LETM2: variants seen among roughly 807,000 people sequenced by gnomAD.
The protein encoded by LETM2 is LETM1 domain-containing protein LETM2, mitochondrial.
A neutral mutation model predicts 59.6 loss-of-function variants in LETM2; 58 were observed. That is an observed-to-expected ratio of 0.97 (90% confidence interval 0.79 to 1.21). LETM2 has a LOEUF of 1.21. Among genes scored for constraint, LETM2 ranks in the 50% most tolerant of loss-of-function variants. LETM2 has a pLI of 0.00. For synonymous variants in LETM2, 199 were observed against 214.1 expected, an observed-to-expected ratio of 0.93 and a Z score of 0.62; for missense variants, 572 against 575.7, an observed-to-expected ratio of 0.99 and a Z score of 0.07.
chr8:38,392,467 T>C, intron 2 of LETM2, 75 bp from the exon 3 acceptor site: 2 of 900,670 alleles, frequency 2.2e-6, no homozygotes, highest in Admixed American at 4.5e-5. Context: ...ATTTCTTTAA[T>C]AATATGTGCT....
At chr8:38,399,709 G>C (rs1366237948) in intron 4 of LETM2, among the ~76,000 whole-genome samples, 2 of 150,548 alleles carry the variant, frequency 1.3e-5, no homozygotes, top group African/African-American at 2.4e-5. Flanking sequence ...ACCCGGGAGA[G>C]AGAGGTTGCA....
At chr8:38,390,706 CAG>C (rs1270012607) in intron 2 of LETM2, among the ~76,000 whole-genome samples, 3 of 144,796 alleles carry the variant, frequency 2.1e-5, no homozygotes, top group Non-Finnish European at 3.0e-5. Flanking sequence ...TTTTGTGAGA[CAG>C]AGTCTTGCTC....
chr8:38,398,880 C>T (rs1172244000), intron 4 of LETM2, among the ~76,000 whole-genome samples: 1 of 151,870 alleles, frequency 6.6e-6, no homozygotes, highest in Non-Finnish European at 1.5e-5. Context: ...CCACCACGCC[C>T]GGCTAATTTT....
intron 8 of LETM2, among the ~76,000 whole-genome samples, chr8:38,406,294 A>G (rs762961734): frequency 4.6e-5 from 7 of 152,214 alleles, no homozygotes; most frequent in African/African-American, 9.6e-5. Flanking sequence ...ACCAAGTTAC[A>G]TCAATGCTAT....
intron 10 of LETM2, chr8:38,407,938 TG>T (rs778138823): frequency 2.3e-6 from 1 of 426,602 alleles, no homozygotes; most frequent in Non-Finnish European, 4.3e-6. Flanking sequence ...GTGGGAGAGT[TG>T]AAGTGGGAAG....
At chr8:38,392,429 T>A in intron 2 of LETM2, 113 bp from the exon 3 acceptor site, 1 of 725,274 alleles carries the variant, frequency 1.4e-6, no homozygotes, top group Non-Finnish European at 2.3e-6. Context: ...AAAAAAAAGC[T>A]GTTTTATTTT....
rs769597371 is a variant in LETM2 at position 38,400,264 on chromosome 8, C to T, written c.646-8C>T. 13 of 1,600,522 alleles carry T rather than the reference C, an allele frequency of 8.1e-6. No individual in the cohort carries two copies. The African/African-American group carries it at 1.2e-4, about 15-fold the overall frequency. On this transcript the variant is annotated splice_region_variant and splice_polypyrimidine_tract_variant and intron_variant, in intron 4 of 10. Transcript: ENST00000379957. ...GGATTGAGTAACTTTTATTCTTCTA[C>T]CATTAAGGAAGAAAAACAGAAAAAG... is the stretch of plus-strand genomic sequence containing the variant.
chr8:38,408,172 T>A (rs560923790), intron 10 of LETM2, 40 bp from the exon 11 acceptor site: 2 of 1,551,644 alleles, frequency 1.3e-6, no homozygotes, highest in East Asian at 2.3e-5. Flanking sequence ...AACTTACACG[T>A]CTGTGACTAA....
At position 38,404,378 on chromosome 8, in the gene LETM2, C is replaced by T. The variant is rs776383211; in HGVS notation, c.1105-15C>T. The T allele has an allele frequency of 1.9e-6, 3 of 1,552,604 alleles. No individual in the cohort carries two copies. Among genetic ancestry groups the T allele is most frequent in the South Asian group, 2.2e-5 (2 of 89,734 alleles). On this transcript the variant is annotated splice_polypyrimidine_tract_variant and intron_variant, in intron 7 of 10. Coordinates refer to ENST00000379957, the MANE Select transcript of LETM2 (RefSeq NM_001286819.2). ...TGTTCTGATTCTCACGTGTTGTTCC[C>T]CTCCCGTTCTCCAGTGGCAGGACCT... is the stretch of plus-strand genomic sequence containing the variant.
intron 6 of LETM2, among the ~76,000 whole-genome samples, chr8:38,402,007 A>G (rs1342772329): frequency 1.3e-5 from 2 of 152,144 alleles, no homozygotes; most frequent in Non-Finnish European, 2.9e-5. Flanking sequence ...AGAGCTTTGG[A>G]ATAAACAACA....
At chr8:38,399,331 T>C (rs568604576) in intron 4 of LETM2, among the ~76,000 whole-genome samples, 1 of 152,346 alleles carries the variant, frequency 6.6e-6, no homozygotes, top group East Asian at 1.9e-4. Context: ...ACTCACTGTA[T>C]TGTAATTACT....
At chr8:38,407,254 G>A in intron 9 of LETM2, 108 bp from the exon 10 acceptor site, 1 of 932,482 alleles carries the variant, frequency 1.1e-6, no homozygotes, top group Non-Finnish European at 1.7e-6. Flanking sequence ...TCCTGTGCCA[G>A]GATATGAGGT....
chr8:38,392,573 T>A lies in LETM2; in HGVS notation c.79T>A (p.Ser27Thr). 1 of 1,612,228 alleles carries A rather than the reference T, an allele frequency of 6.2e-7. No homozygotes were observed. The highest frequency in any genetic ancestry group is 8.5e-7 in the Non-Finnish European group (1 of 1,179,776). The change falls in exon 3 of 11, where the codon TCT becomes ACT. Residue 27 changes from serine to threonine, a missense_variant. Ser to Thr is a moderately conservative substitution (Grantham distance 58). Coordinates refer to ENST00000379957, the MANE Select transcript of LETM2 (RefSeq NM_001286819.2). ...FPSHFVHPTC[S>T]SYSPSCAFLH... Reference sequence around the variant, plus strand: ...TAGCCATTTTGTCCATCCTACCTGCTCTTCTTATTCCCCATCATGTGCATT... The same window carrying A: ...TAGCCATTTTGTCCATCCTACCTGCACTTCTTATTCCCCATCATGTGCATT...
At chr8:38,389,251 C>T (rs1812021228) in intron 2 of LETM2, among the ~76,000 whole-genome samples, 2 of 152,242 alleles carry the variant, frequency 1.3e-5, no homozygotes, top group South Asian at 4.1e-4. Context: ...AAATCTCGCT[C>T]TATTGCCCAA....
At chr8:38,394,317 G>A (rs1812519214) in intron 4 of LETM2, 76 bp downstream of exon 4, 1 of 797,052 alleles carries the variant, frequency 1.3e-6, no homozygotes, top group Non-Finnish European at 1.8e-6. Context: ...AACTTGGGCA[G>A]AAAGTACTAC....
chr8:38,396,063 C>T (rs1006968368), intron 4 of LETM2, among the ~76,000 whole-genome samples: 1 of 151,998 alleles, frequency 6.6e-6, no homozygotes, highest in Non-Finnish European at 1.5e-5. Context: ...AAACTTATTG[C>T]CCAACTGAAG....
rs940333200 is a variant in LETM2, at chr8:38,408,460, A to G, written c.*186A>G. ...TGGGTAGTGAGACCAAGTTCAGACC[A>G]CTTAGAAAAATATAATTGCAAAGTC... On this transcript the variant is annotated 3_prime_UTR_variant, in exon 11 of 11. Transcript: ENST00000379957. 7 of 552,706 alleles carry G rather than the reference A, an allele frequency of 1.3e-5. No individual in the cohort carries two copies. The African/African-American group carries it at 1.3e-4, about 11-fold the overall frequency. The allele number at this position is 552,706 out of a possible 1,614,324, so 34.2% of individuals were successfully genotyped here. A position where few individuals can be genotyped will look rare whatever the true frequency, so the allele number is the denominator to read the frequency against.
chr8:38,395,322 T>C (rs1156439423), intron 4 of LETM2, among the ~76,000 whole-genome samples: 2 of 152,228 alleles, frequency 1.3e-5, no homozygotes, highest in Non-Finnish European at 2.9e-5. Flanking sequence ...GTGGCTGTAT[T>C]GTTCTATATT....
intron 4 of LETM2, among the ~76,000 whole-genome samples, chr8:38,395,662 T>G (rs1055154661): frequency 6.6e-6 from 1 of 151,966 alleles, no homozygotes; most frequent in Non-Finnish European, 1.5e-5. Context: ...AATAGAGGTG[T>G]CCACCACTGC....
Sources: allele counts gnomAD v4.1 joint callset (sites outside exome capture counted in the v4.1 genomes callset), GRCh38; gene constraint gnomAD v4.1.1; transcripts MANE v1.5; gene names NCBI Gene and HGNC (gene_info 2026-07-23, HGNC 2026-07-21).